Variants in U2SURP observed in about 807,000 individuals in gnomAD.
U2SURP encodes U2 snRNP associated SURP domain containing, also known as U2 snRNP-associated SURP motif-containing protein.
A neutral mutation model predicts 144.9 loss-of-function variants in U2SURP; 9 were observed. The observed-to-expected ratio is 0.06, with a 90% CI of 0.04 to 0.11. U2SURP has a LOEUF of 0.11. Ranked by LOEUF, U2SURP falls within the 10% of genes least tolerant of loss-of-function variation. The pLI is 1.00. For missense variants in U2SURP, 724 were observed against 1,226.7 expected, an observed-to-expected ratio of 0.59 and a Z score of 6.12; for synonymous variants, 408 against 396.8, an observed-to-expected ratio of 1.03 and a Z score of -0.33.
At chr3:143,056,194 C>G in intron 27 of U2SURP, 118 bp from the exon 28 acceptor site, 1 of 1,055,300 alleles carries the variant, frequency 9.5e-7, no homozygotes, top group Non-Finnish European at 1.3e-6. Flanking sequence ...AGTTCATAGT[C>G]TTATTGCAGT....
rs1560203267 is a variant in U2SURP, at chr3:143,046,953, C to CG, written c.2544+3677_2544+3678insG. Among the ~76,000 whole-genome samples the CG allele has an allele frequency of 6.3e-4, 54 of 85,546 alleles. 6 individuals carry two copies. Among genetic ancestry groups the CG allele is most frequent in the Non-Finnish European group, 1.2e-3 (51 of 42,780 alleles). The allele number at this position is 85,546 out of a possible 152,430, so 56.1% of individuals were successfully genotyped here. A position where few individuals can be genotyped will look rare whatever the true frequency, so the allele number is the denominator to read the frequency against. Reference sequence around the variant, plus strand: ...GCGGCTGGCCGGGCAGGGGGCTGACCTCCCCCACCTCCCTCCCGGACGGGG... The same window carrying CG: ...GCGGCTGGCCGGGCAGGGGGCTGACCGTCCCCCACCTCCCTCCCGGACGGGG... On this transcript the variant is annotated intron_variant, in intron 24 of 27. Transcript: ENST00000473835.
At chr3:143,022,430 G>A (rs558720686) in intron 10 of U2SURP, 67 bp from the exon 11 acceptor site, 1 of 1,403,500 alleles carries the variant, frequency 7.1e-7, no homozygotes, top group African/African-American at 1.4e-5. Flanking sequence ...AAACTACTTT[G>A]TTTTCTGAAA....
intron 8 of U2SURP, 98 bp downstream of exon 8, chr3:143,020,791 T>C (rs1936591169): frequency 1.1e-6 from 1 of 878,830 alleles, no homozygotes; most frequent in South Asian, 1.5e-5. Context: ...CCAGTGGATG[T>C]CTGAAACCAT....
intron 24 of U2SURP, among the ~76,000 whole-genome samples, chr3:143,047,193 C>T (rs1322049115): frequency 4.2e-5 from 4 of 96,346 alleles, no homozygotes; most frequent in Non-Finnish European, 5.9e-5. Context: ...CCACCTCCCT[C>T]CCGGACGGGG....
chr3:143,032,919 C>T lies in U2SURP; in HGVS notation c.1746C>T (p.Ser582=), dbSNP rs1560192332. 1.2e-6 allele frequency: 2 copies of T among 1,612,496 alleles called. No individual in the cohort carries two copies. The highest frequency in any genetic ancestry group is 1.7e-6 in the Non-Finnish European group (2 of 1,179,394). ...TGGATTGCATTACTGAGTCGTTGTC[C>T]ATCTTAAAGACACCCCTTCCTAAAA... is the stretch of plus-strand genomic sequence containing the variant. ...EIVDCITESL[S]ILKTPLPKKI... is the part of the protein sequence containing the mutation. Residue 582 remains serine (S), a synonymous_variant, in exon 17 of 28, where the codon TCC becomes TCT. Coordinates refer to ENST00000473835, the MANE Select transcript of U2SURP (RefSeq NM_001080415.2).
intron 6 of U2SURP, 66 bp from the exon 7 acceptor site, chr3:143,019,903 T>G (rs1259734219): frequency 2.3e-6 from 2 of 853,564 alleles, no homozygotes; most frequent in East Asian, 6.1e-5. Context: ...AAAAAGGCTC[T>G]TATTATTGAA....
intron 1 of U2SURP, among the ~76,000 whole-genome samples, chr3:143,006,673 C>T (rs577431222): frequency 9.2e-5 from 14 of 151,958 alleles, no homozygotes; most frequent in East Asian, 1.9e-4. Flanking sequence ...ACCTGGGAGG[C>T]GGAGGTTGCC....
intron 16 of U2SURP, 141 bp downstream of exon 16, chr3:143,028,787 G>A (rs753988311): frequency 8.2e-5 from 58 of 709,122 alleles, no homozygotes; most frequent in Non-Finnish European, 1.0e-4. Context: ...CTTTCATCAT[G>A]TGCTTTATAA....
At chr3:143,033,497 AC>A in intron 18 of U2SURP, 147 bp downstream of exon 18, 1 of 561,562 alleles carries the variant, frequency 1.8e-6, no homozygotes, top group Non-Finnish European at 3.1e-6. Context: ...CATGAATTCA[AC>A]CAACCATGAA....
chr3:143,049,093 TAAA>T (rs368050643), intron 24 of U2SURP, among the ~76,000 whole-genome samples: 3 of 126,976 alleles, frequency 2.4e-5, no homozygotes, highest in Non-Finnish European at 3.4e-5. Flanking sequence ...TGTCTCTGCT[TAAA>T]AAAAAAAAAA....
At chr3:143,034,612 G>T in intron 18 of U2SURP, 1 of 211,362 alleles carries the variant, frequency 4.7e-6, no homozygotes, top group South Asian at 1.6e-4. Context: ...AAAGAAATTG[G>T]ACGAGATGGT....
intron 2 of U2SURP, among the ~76,000 whole-genome samples, 171 bp downstream of exon 2, chr3:143,011,030 A>G (rs942219845): frequency 6.1e-5 from 9 of 147,482 alleles, no homozygotes; most frequent in African/African-American, 1.0e-4. Context: ...TTCTGCTTGC[A>G]TAACTTAGCC....
intron 16 of U2SURP, among the ~76,000 whole-genome samples, chr3:143,032,553 T>A (rs1933565984): frequency 3.9e-5 from 6 of 152,214 alleles, no homozygotes; most frequent in Admixed American, 3.9e-4. Context: ...TTTACTTAAT[T>A]TGTAAGCTGA....
chr3:143,036,125 T>G (rs1373690960), intron 20 of U2SURP, 21 bp downstream of exon 20: 3 of 1,572,988 alleles, frequency 1.9e-6, no homozygotes, highest in African/African-American at 2.7e-5. Flanking sequence ...TGTATTTGTC[T>G]GGTTGTTTTT....
intron 1 of U2SURP, among the ~76,000 whole-genome samples, chr3:143,003,814 C>T (rs1935673054): frequency 6.6e-6 from 1 of 151,418 alleles, no homozygotes; most frequent in African/African-American, 2.4e-5. Context: ...GCCTCAGCCT[C>T]CCTAGTAGCT....
At position 143,058,297 on chromosome 3, in the gene U2SURP, A is replaced by C. The variant is rs1055031520; in HGVS notation, c.*1847A>C. 1 of 151,890 alleles carries C rather than the reference A, an allele frequency of 6.6e-6. No individual in the cohort carries two copies. Among genetic ancestry groups the C allele is most frequent in the East Asian group, 1.9e-4 (1 of 5,194 alleles). 9.4% of individuals were successfully genotyped at this position (151,890 alleles called of 1,614,324 possible). On this transcript the variant is annotated 3_prime_UTR_variant, in exon 28 of 28. Coordinates refer to ENST00000473835, the MANE Select transcript of U2SURP (RefSeq NM_001080415.2). ...TGGTCAGGTAATAATCTTTCCAGTC[A>C]AGTTGCAAGGGATGCTTATTTCTCT...
At chr3:143,037,407 G>A (rs1933870580) in intron 21 of U2SURP, 72 bp downstream of exon 21, 2 of 1,368,364 alleles carry the variant, frequency 1.5e-6, no homozygotes, top group East Asian at 2.4e-5. Flanking sequence ...TTCCATACAT[G>A]CTGATATGGA....
Position 143,059,570 on chromosome 3 carries a change from A to T in U2SURP, c.*3120A>T, listed in dbSNP as rs1000027376. The T allele has an allele frequency of 1.3e-5, 2 of 151,948 alleles. No homozygotes were observed. The highest frequency in any genetic ancestry group is 4.8e-5 in the African/African-American group (2 of 41,428). 9.4% of individuals were successfully genotyped at this position (151,948 alleles called of 1,614,324 possible). ...ATAGTTTATCATCATCATTATTGTT[A>T]TTCAAAATAAGGGTAAATAAATCTC... On this transcript the variant is annotated 3_prime_UTR_variant, in exon 28 of 28. Transcript: ENST00000473835.
chr3:143,012,367 A>C lies in U2SURP; in HGVS notation c.222+14A>C. 2.5e-6 allele frequency: 4 copies of C among 1,593,018 alleles called. No individual in the cohort carries two copies. The highest frequency in any genetic ancestry group is 3.4e-6 in the Non-Finnish European group (4 of 1,170,496). On this transcript the variant is annotated intron_variant, in intron 3 of 27. Coordinates refer to ENST00000473835, the MANE Select transcript of U2SURP (RefSeq NM_001080415.2). The stretch of plus-strand genomic sequence containing the variant: ...AATCTCTCAAGAGTGAGTATAGATA[A>C]GATAAGGTAAAGATAAGAAAGGATA...
Sources: gnomAD v4.1 joint callset for allele counts (sites outside exome capture counted in the v4.1 genomes callset) on GRCh38, gnomAD v4.1.1 for gene constraint, MANE v1.5 for transcripts, NCBI Gene and HGNC (gene_info 2026-07-23, HGNC 2026-07-21) for gene names.